The following SIL1 variants were observed in gnomAD, a reference collection of about 807,000 sequenced individuals.
SIL1 encodes the protein SIL1 nucleotide exchange factor.
SIL1 carries 40 observed loss-of-function variants against 49.1 expected under a neutral mutation model. That is an observed-to-expected ratio of 0.81 (90% CI 0.63 to 1.06). The LOEUF is 1.06. SIL1 is among the 50% of genes least tolerant of loss of function. The probability of loss-of-function intolerance (pLI) is 0.00; values close to 1 mark genes in which losing one functional copy is unlikely to be tolerated. For synonymous variants in SIL1, 253 were observed against 250.8 expected, an observed-to-expected ratio of 1.01 and a Z score of -0.08; for missense variants, 500 against 572.6, an observed-to-expected ratio of 0.87 and a Z score of 1.29.
intron 7 of SIL1, among the ~76,000 whole-genome samples, chr5:138,973,762 T>A (rs1313306987): frequency 2.0e-5 from 3 of 152,062 alleles, no homozygotes; most frequent in African/African-American, 7.2e-5. Context: ...TTTGTTGTTG[T>A]GATTGTAGAG....
At chr5:138,949,023 C>A (rs570136606) in intron 9 of SIL1, among the ~76,000 whole-genome samples, 12 of 152,322 alleles carry the variant, frequency 7.9e-5, no homozygotes, top group Non-Finnish European at 1.6e-4. Context: ...TATCCAGTCC[C>A]GGGTATTCTG....
chr5:139,119,252 G>A (rs1750555180), intron 3 of SIL1, among the ~76,000 whole-genome samples: 1 of 152,208 alleles, frequency 6.6e-6, no homozygotes, highest in East Asian at 1.9e-4. Flanking sequence ...AGGATACAGA[G>A]AGGGGCTCTT....
intron 3 of SIL1, among the ~76,000 whole-genome samples, chr5:139,102,374 T>A (rs1770605727): frequency 6.6e-6 from 1 of 152,142 alleles, no homozygotes; most frequent in Admixed American, 6.5e-5. Flanking sequence ...TAATTTTACA[T>A]CTGCACAGTG....
intron 7 of SIL1, among the ~76,000 whole-genome samples, chr5:138,963,419 G>T (rs1354711842): frequency 1.3e-5 from 2 of 152,172 alleles, no homozygotes; most frequent in African/African-American, 4.8e-5. Context: ...ATCACGCAGG[G>T]CCTATTTTGC....
chr5:139,005,468 A>G (rs1768094815), intron 7 of SIL1, among the ~76,000 whole-genome samples: 1 of 136,334 alleles, frequency 7.3e-6, no homozygotes, highest in Admixed American at 7.3e-5. Context: ...TTTTTTTATT[A>G]TACTTTAAGT....
In SIL1 at chr5:139,122,053, A is replaced by G. The variant is rs527950919; in HGVS notation, c.106-880T>C. ...GCTCTGGGAAATTACATTTGGGAAA[A>G]CAAGGAGGAACCCACATTAGCACAT... On this transcript the variant is annotated intron_variant, in intron 2 of 9. Transcript: ENST00000394817. Among the ~76,000 whole-genome samples, 238 of 152,282 alleles carry G rather than the reference A, an allele frequency of 1.6e-3. 2 individuals carry two copies. The highest frequency in any genetic ancestry group is 2.9e-3 in the Non-Finnish European group (199 of 68,024).
chr5:139,014,735 A>G (rs1362227042), intron 7 of SIL1, among the ~76,000 whole-genome samples: 2 of 152,220 alleles, frequency 1.3e-5, no homozygotes, highest in African/African-American at 4.8e-5. Flanking sequence ...TAAGAGAGCT[A>G]TGACTATCCA....
chr5:138,949,877 G>A (rs1364947874), intron 9 of SIL1, among the ~76,000 whole-genome samples: 1 of 151,972 alleles, frequency 6.6e-6, no homozygotes, highest in Non-Finnish European at 1.5e-5. Flanking sequence ...AGCCCTGACT[G>A]CCTCAGCCCA....
intron 3 of SIL1, among the ~76,000 whole-genome samples, chr5:139,071,167 A>G (rs2150473228): frequency 7.5e-6 from 1 of 132,560 alleles, no homozygotes; most frequent in East Asian, 2.5e-4. Flanking sequence ...AAATGGCCTG[A>G]GCTCTTCAAC....
rs1232043740 is a variant in SIL1, at chr5:139,155,915, C to T, written c.-10-28062G>A. Reference sequence around the variant, plus strand: ...TGGCGTGATCTGGGCTCACTGCAACCTCTGCCTCCCAGGTTCAAGCGATTT... The same window carrying T: ...TGGCGTGATCTGGGCTCACTGCAACTTCTGCCTCCCAGGTTCAAGCGATTT... On this transcript the variant is annotated intron_variant, in intron 1 of 9. Transcript: ENST00000394817. Among the ~76,000 whole-genome samples, 4 of 152,050 alleles carry T rather than the reference C, an allele frequency of 2.6e-5. No homozygotes were observed. The East Asian group carries it at 5.8e-4, about 22-fold the overall frequency.
chr5:138,979,063 A>T (rs10059934), intron 7 of SIL1, among the ~76,000 whole-genome samples: 4,297 of 149,904 alleles, frequency 0.029, 157 homozygotes, highest in African/African-American at 0.089. Flanking sequence ...AATTTAATTT[A>T]ATTTTATTTT....
At chr5:139,159,118 G>T (rs1037264470) in intron 1 of SIL1, among the ~76,000 whole-genome samples, 1 of 149,668 alleles carries the variant, frequency 6.7e-6, no homozygotes, top group Non-Finnish European at 1.5e-5. Context: ...AAAAAAAAAG[G>T]CCCCATCTCC....
In SIL1 at chr5:138,950,669, A is replaced by G. The variant is rs186040552; in HGVS notation, c.1029+502T>C. Among the ~76,000 whole-genome samples the G allele has an allele frequency of 4.8e-3, 729 of 152,312 alleles. 13 individuals carry two copies. The highest frequency in any genetic ancestry group is 0.017 in the African/African-American group (689 of 41,568). ...AAGATGCTTCTTCAAGCTTGCAAAC[A>G]GGGCTGGGCACCAAGTCTCCTCCCA... On this transcript the variant is annotated intron_variant, in intron 9 of 9. Transcript: ENST00000394817.
chr5:139,054,602 T>C (rs955536476), intron 3 of SIL1, among the ~76,000 whole-genome samples: 1 of 152,128 alleles, frequency 6.6e-6, no homozygotes, highest in Non-Finnish European at 1.5e-5. Context: ...ATAATAAAAA[T>C]AGTATTTAAA....
chr5:139,083,090 G>T (rs1770125543), intron 3 of SIL1, among the ~76,000 whole-genome samples: 1 of 152,166 alleles, frequency 6.6e-6, no homozygotes, highest in African/African-American at 2.4e-5. Context: ...AGGGAATAAA[G>T]CAAGTCCATA....
chr5:139,179,396 A>G (rs904021242), intron 1 of SIL1, among the ~76,000 whole-genome samples: 1 of 152,202 alleles, frequency 6.6e-6, no homozygotes, highest in African/African-American at 2.4e-5. Flanking sequence ...GTGCCCAAAC[A>G]CTAAATATCA....
intron 3 of SIL1, among the ~76,000 whole-genome samples, chr5:139,088,698 T>C (rs1017050209): frequency 1.3e-5 from 2 of 152,212 alleles, no homozygotes; most frequent in African/African-American, 4.8e-5. Flanking sequence ...TCCTGCAGGG[T>C]CTGCCTCAGT....
At chr5:139,095,266 T>TTGGAATTC (rs1770431690) in intron 3 of SIL1, among the ~76,000 whole-genome samples, 2 of 97,444 alleles carry the variant, frequency 2.1e-5, no homozygotes, top group African/African-American at 1.2e-4. Flanking sequence ...ATTGGAATTC[T>TTGGAATTC]TTTTTTTTTT....
In SIL1 at chr5:138,947,581, C is replaced by T. The variant is rs927481934; in HGVS notation, c.1030-108G>A. On this transcript the variant is annotated intron_variant, in intron 9 of 9. Transcript: ENST00000394817. This position sits in a 1 kb window ranked among gnomAD's most constrained non-coding sequence, Gnocchi z 4.1. ...GCTCTGCCCTTCAGACAGGAAGGCA[C>T]GAGGCTGACCCCTGAGGGCCCACCT... 46 of 925,796 alleles carry T rather than the reference C, an allele frequency of 5.0e-5. No individual in the cohort carries two copies. The highest frequency in any genetic ancestry group is 7.2e-5 in the East Asian group (3 of 41,394). 57.3% of individuals were successfully genotyped at this position (925,796 alleles called of 1,614,324 possible).
Sources: gnomAD v4.1 joint callset for allele counts (sites outside exome capture counted in the v4.1 genomes callset) on GRCh38, gnomAD v4.1.1 for gene constraint, Gnocchi (gnomAD v3.1) non-coding constraint, MANE v1.5 for transcripts, NCBI Gene and HGNC (gene_info 2026-07-23, HGNC 2026-07-21) for gene names.